CEP20: variants seen among roughly 807,000 people sequenced by gnomAD.
CEP20 encodes centrosomal protein 20.
Under a neutral mutation model 20.0 loss-of-function variants are expected in CEP20, and 18 were observed. The ratio of observed to expected loss-of-function variants is 0.90; its 90% CI spans 0.62 to 1.34. The LOEUF (loss-of-function observed/expected upper bound fraction) is 1.34, where lower values mean the gene tolerates loss of function less well. CEP20 is among the 40% of genes most tolerant of loss of function. The pLI, the probability that CEP20 is intolerant of heterozygous loss-of-function variation, is 0.00. For synonymous variants in CEP20, 77 were observed against 73.7 expected, an observed-to-expected ratio of 1.04 and a Z score of -0.23; for missense variants, 215 against 201.6, an observed-to-expected ratio of 1.07 and a Z score of -0.40.
At chr16:15,872,336 G>T (rs972996437) in intron 4 of CEP20, among the ~76,000 whole-genome samples, 2 of 151,684 alleles carry the variant, frequency 1.3e-5, no homozygotes, top group African/African-American at 4.8e-5. Flanking sequence ...AAATTGATCA[G>T]CTCTCTACCA....
At chr16:15,876,636 T>G (rs999264287) in intron 3 of CEP20, among the ~76,000 whole-genome samples, 13 of 152,108 alleles carry the variant, frequency 8.5e-5, no homozygotes, top group Admixed American at 2.0e-4. Context: ...CCGACAGCAT[T>G]TGGATTTTCA....
At chr16:15,870,681 G>C (rs894689877) in intron 4 of CEP20, among the ~76,000 whole-genome samples, 5 of 151,966 alleles carry the variant, frequency 3.3e-5, no homozygotes, top group Non-Finnish European at 1.5e-5. Context: ...GAGGTGCAGT[G>C]GTGCACCCCT....
chr16:15,882,014 T>C (rs2045109482), intron 2 of CEP20, among the ~76,000 whole-genome samples: 1 of 152,146 alleles, frequency 6.6e-6, no homozygotes, highest in Non-Finnish European at 1.5e-5. Flanking sequence ...GGGAGTTGTT[T>C]GGGTCATGGG....
intron 3 of CEP20, among the ~76,000 whole-genome samples, chr16:15,874,667 A>C (rs914170209): frequency 1.3e-5 from 2 of 152,164 alleles, no homozygotes; most frequent in South Asian, 4.1e-4. Flanking sequence ...GTAGGTGTAT[A>C]TATTTGTGGG....
Position 15,884,137 on chromosome 16 carries a change from A to G in CEP20, c.97T>C (p.Phe33Leu), listed in dbSNP as rs1201584118. The change falls in exon 2 of 5, where the codon TTC becomes CTC. Residue 33 changes from phenylalanine (F) to leucine (L), a missense_variant. Coordinates refer to ENST00000255759, the MANE Select transcript of CEP20 (RefSeq NM_144600.4). ...TCACGGTCATCATCTAGGGCATTGA[A>G]AACTTCAGCTCGGATCCTTGCTTTT... ...HLKARIRAEV[F>L]NALDDDREPR... 2 of 1,614,034 alleles carry G rather than the reference A, an allele frequency of 1.2e-6. No homozygotes were observed. The highest frequency in any genetic ancestry group is 2.7e-5 in the African/African-American group (2 of 74,934).
chr16:15,884,043 T>C lies in CEP20; in HGVS notation c.191A>G (p.Asn64Ser). The C allele has an allele frequency of 1.2e-6, 2 of 1,613,492 alleles. No homozygotes were observed. The highest frequency in any genetic ancestry group is 1.7e-6 in the Non-Finnish European group (2 of 1,179,456). The part of the protein sequence containing the change: ...NELIREYLEF[N>S]KYKYTASVLI... ...GACAGATGCTGTATACTTATATTTG[T>C]TGAATTCTAAATACTCTCGAATTAA... Residue 64 changes from asparagine (N) to serine (S), a missense_variant, in exon 2 of 5, where the codon AAC (asparagine) becomes AGC (serine). Transcript: ENST00000255759.
At chr16:15,868,611 A>G (rs531558745) in intron 4 of CEP20, among the ~76,000 whole-genome samples, 37 of 152,280 alleles carry the variant, frequency 2.4e-4, no homozygotes, top group Non-Finnish European at 4.9e-4. Flanking sequence ...AGAAAATGCA[A>G]TTTTATCACT....
chr16:15,881,661 C>T (rs541282748), intron 2 of CEP20, among the ~76,000 whole-genome samples: 91 of 152,060 alleles, frequency 6.0e-4, no homozygotes, highest in African/African-American at 2.1e-3. Context: ...GCATCCCCCA[C>T]CCCACCAAGT....
rs201605942 is a variant in CEP20, at chr16:15,884,061, C to T, written c.173G>A (p.Arg58Gln). Reference sequence around the variant, plus strand: ...ATATTTGTTGAATTCTAAATACTCTCGAATTAATTCATTAATTAGAAGGTT... The same window carrying T: ...ATATTTGTTGAATTCTAAATACTCTTGAATTAATTCATTAATTAGAAGGTT... ...HENLLINELI[R>Q]EYLEFNKYKY... Residue 58 changes from arginine to glutamine, a missense_variant, in exon 2 of 5, where the codon CGA becomes CAA. Arg to Gln is a conservative substitution (Grantham distance 43). Coordinates refer to ENST00000255759, the MANE Select transcript of CEP20 (RefSeq NM_144600.4). The T allele has an allele frequency of 4.3e-6, 7 of 1,613,726 alleles. No individual in the cohort carries two copies. Among genetic ancestry groups the T allele is most frequent in the Admixed American group, 1.7e-5 (1 of 60,008 alleles).
intron 1 of CEP20, 74 bp from the exon 2 acceptor site, chr16:15,884,279 T>C: frequency 7.1e-7 from 1 of 1,408,850 alleles, no homozygotes; most frequent in Non-Finnish European, 9.7e-7. Flanking sequence ...TGAAAAGAAA[T>C]GTTGAAAAGG....
intron 4 of CEP20, among the ~76,000 whole-genome samples, chr16:15,868,493 T>A (rs1365936199): frequency 2.0e-5 from 3 of 152,198 alleles, no homozygotes; most frequent in Non-Finnish European, 1.5e-5. Context: ...AAAACTAGAT[T>A]CTTGAGAATA....
At chr16:15,879,129 G>C (rs527943791) in intron 3 of CEP20, among the ~76,000 whole-genome samples, 134 of 152,078 alleles carry the variant, frequency 8.8e-4, no homozygotes, top group African/African-American at 3.0e-3. Flanking sequence ...GAGCATAGTT[G>C]GTGAGAGGAG....
intron 3 of CEP20, among the ~76,000 whole-genome samples, chr16:15,874,362 C>T (rs962856565): frequency 3.3e-5 from 5 of 152,084 alleles, no homozygotes; most frequent in Admixed American, 1.3e-4. Context: ...TAATCCTCAT[C>T]GTGTAATGTC....
intron 3 of CEP20, 87 bp from the exon 4 acceptor site, chr16:15,873,714 T>A (rs1285927652): frequency 7.2e-7 from 1 of 1,390,738 alleles, no homozygotes; most frequent in African/African-American, 1.4e-5. Flanking sequence ...CTTTAAAAGG[T>A]AACCTCTGAC....
At chr16:15,868,048 T>C (rs1438996744) in intron 4 of CEP20, among the ~76,000 whole-genome samples, 2 of 150,698 alleles carry the variant, frequency 1.3e-5, no homozygotes, top group Non-Finnish European at 3.0e-5. Flanking sequence ...AAAGAGTTTC[T>C]TGACTTTTTT....
intron 3 of CEP20, among the ~76,000 whole-genome samples, chr16:15,878,927 T>C (rs2045027156): frequency 6.6e-6 from 1 of 152,082 alleles, no homozygotes; most frequent in East Asian, 1.9e-4. Context: ...TAAGAACTTT[T>C]AGGATGAGAA....
At chr16:15,882,782 G>C (rs60219036) in intron 2 of CEP20, among the ~76,000 whole-genome samples, 9,107 of 30,058 alleles carry the variant, frequency 0.3, 391 homozygotes, top group East Asian at 0.44. Flanking sequence ...TATCTATCTA[G>C]ATACACACAC....
intron 1 of CEP20, chr16:15,885,695 CGTT>C (rs2045227160): frequency 6.6e-6 from 1 of 152,174 alleles, no homozygotes; most frequent in Admixed American, 6.5e-5. Flanking sequence ...CCACTGGCCT[CGTT>C]GTTTTAAAGA....
intron 2 of CEP20, 64 bp from the exon 3 acceptor site, chr16:15,879,952 A>G (rs933892532): frequency 9.0e-7 from 1 of 1,115,808 alleles, no homozygotes; most frequent in Non-Finnish European, 1.3e-6. Flanking sequence ...AAGATTTTGA[A>G]AAGAATCACA....
Sources: allele counts gnomAD v4.1 joint callset (sites outside exome capture counted in the v4.1 genomes callset), GRCh38; gene constraint gnomAD v4.1.1; transcripts MANE v1.5; gene names NCBI Gene and HGNC (gene_info 2026-07-23, HGNC 2026-07-21).